The following NUBPL variants were observed in gnomAD, a reference collection of about 807,000 sequenced individuals.
NUBPL encodes NUBP iron-sulfur cluster assembly factor, mitochondrial.
In NUBPL, 31 loss-of-function variants were observed where a neutral mutation model predicts 45.7. The ratio of observed to expected loss-of-function variants is 0.68; its 90% CI spans 0.51 to 0.92. NUBPL has a LOEUF of 0.92. Ranked by LOEUF, NUBPL falls within the 40% of genes least tolerant of loss-of-function variation. NUBPL has a pLI of 0.00. For synonymous variants in NUBPL, 144 were observed against 140.9 expected (o/e 1.02, Z -0.15); for missense variants, 401 against 398.7 (o/e 1.01, Z -0.05).
At chr14:31,799,239 A>AC in intron 7 of NUBPL, among the ~76,000 whole-genome samples, 1 of 151,924 alleles carries the variant, frequency 6.6e-6, no homozygotes, top group Admixed American at 6.6e-5. Context: ...CCACACACAC[A>AC]AAAAAATCCT....
chr14:31,836,030 AC>A (rs752317486), intron 8 of NUBPL, among the ~76,000 whole-genome samples: 1 of 152,164 alleles, frequency 6.6e-6, no homozygotes, highest in Non-Finnish European at 1.5e-5. Context: ...CTTGTTACTT[AC>A]CTGTATCTGG....
intron 8 of NUBPL, among the ~76,000 whole-genome samples, chr14:31,834,830 G>A (rs1292463264): frequency 1.3e-5 from 2 of 152,182 alleles, no homozygotes; most frequent in Non-Finnish European, 2.9e-5. Context: ...TGTTTAGTGG[G>A]ACATCTGGGC....
intron 6 of NUBPL, among the ~76,000 whole-genome samples, chr14:31,778,925 A>C (rs1322198324): frequency 1.3e-5 from 2 of 152,210 alleles, no homozygotes; most frequent in Non-Finnish European, 2.9e-5. Flanking sequence ...TTTGGCTAAA[A>C]GACATGACCT....
intron 4 of NUBPL, among the ~76,000 whole-genome samples, chr14:31,662,793 A>G (rs2036306530): frequency 6.6e-6 from 1 of 152,252 alleles, no homozygotes; most frequent in Admixed American, 6.5e-5. Flanking sequence ...TCTTTATAGT[A>G]GAATGATTTA....
At chr14:31,705,723 A>C (rs1343604739) in intron 6 of NUBPL, among the ~76,000 whole-genome samples, 3 of 152,116 alleles carry the variant, frequency 2.0e-5, no homozygotes, top group Non-Finnish European at 4.4e-5. Flanking sequence ...ACCTTTAGCT[A>C]GACAGAAAAA....
At chr14:31,645,612 T>C (rs979414893) in intron 4 of NUBPL, among the ~76,000 whole-genome samples, 1 of 152,178 alleles carries the variant, frequency 6.6e-6, no homozygotes, top group African/African-American at 2.4e-5. Flanking sequence ...AATTTGTTGC[T>C]TTTTAATATT....
intron 6 of NUBPL, among the ~76,000 whole-genome samples, chr14:31,743,805 TTG>T (rs147577510): frequency 6.6e-6 from 1 of 150,940 alleles, no homozygotes; most frequent in Non-Finnish European, 1.5e-5. Context: ...AAAGGAGATA[TTG>T]TGTGTGTGTG....
chr14:31,676,727 T>G (rs1043227676), intron 6 of NUBPL, among the ~76,000 whole-genome samples: 4 of 151,922 alleles, frequency 2.6e-5, no homozygotes, highest in African/African-American at 9.6e-5. Flanking sequence ...TTGTGACGTG[T>G]CTGTTCAAGT....
At chr14:31,636,338 A>G (rs1023523451) in intron 4 of NUBPL, among the ~76,000 whole-genome samples, 3 of 151,982 alleles carry the variant, frequency 2.0e-5, no homozygotes, top group African/African-American at 2.4e-5. Context: ...TTCTGCATCT[A>G]TTGAGATAAT....
At chr14:31,567,841 C>T (rs190732573) in intron 3 of NUBPL, among the ~76,000 whole-genome samples, 59 of 152,330 alleles carry the variant, frequency 3.9e-4, no homozygotes, top group Admixed American at 3.7e-3. Flanking sequence ...CTTACTGAAT[C>T]AGAAACCCTG....
chr14:31,685,894 C>T (rs2036941698), intron 6 of NUBPL, among the ~76,000 whole-genome samples: 2 of 152,290 alleles, frequency 1.3e-5, no homozygotes, highest in Non-Finnish European at 2.9e-5. Context: ...ATTCCACTCT[C>T]CCACTTGAAG....
rs139185263 is a variant in NUBPL, at chr14:31,640,060, G to C, written c.383-33295G>C. 4.9e-3 allele frequency among the ~76,000 whole-genome samples: 741 copies of C among 152,246 alleles called. 3 individuals are homozygous for C. The highest frequency in any genetic ancestry group is 8.4e-3 in the Non-Finnish European group (573 of 68,016). The stretch of plus-strand genomic sequence containing the variant: ...CCTGAGCGAGGCAGTGCCTCGCCCT[G>C]CTTCGGCTCCGGCACGGTGCACTGC... On this transcript the variant is annotated intron_variant, in intron 4 of 10. Transcript: ENST00000281081.
chr14:31,822,766 G>A (rs754302936), intron 7 of NUBPL, among the ~76,000 whole-genome samples: 17 of 152,130 alleles, frequency 1.1e-4, no homozygotes, highest in Non-Finnish European at 1.9e-4. Flanking sequence ...TACATGCTTC[G>A]TGAGCATTTG....
intron 7 of NUBPL, among the ~76,000 whole-genome samples, chr14:31,790,759 G>T (rs1446626387): frequency 6.6e-6 from 1 of 152,134 alleles, no homozygotes; most frequent in Admixed American, 6.5e-5. Flanking sequence ...GCTGAGACAG[G>T]AGAATGGCAT....
chr14:31,608,132 A>T (rs574655157), intron 4 of NUBPL, among the ~76,000 whole-genome samples: 2 of 152,252 alleles, frequency 1.3e-5, no homozygotes, highest in South Asian at 4.1e-4. Flanking sequence ...CTAAAATAGT[A>T]TATCTGGTGA....
intron 6 of NUBPL, among the ~76,000 whole-genome samples, chr14:31,705,698 T>C (rs1016732403): frequency 1.1e-4 from 16 of 152,010 alleles, no homozygotes; most frequent in African/African-American, 3.1e-4. Context: ...AGAGTGCTGA[T>C]TGGTGCATTT....
At chr14:31,621,291 G>GT (rs2035054850) in intron 4 of NUBPL, among the ~76,000 whole-genome samples, 1 of 151,866 alleles carries the variant, frequency 6.6e-6, no homozygotes, top group Non-Finnish European at 1.5e-5. Flanking sequence ...GGAGTGAACG[G>GT]TTTTTTTTCT....
At chr14:31,812,826 A>G (rs1166842434) in intron 7 of NUBPL, among the ~76,000 whole-genome samples, 1 of 152,104 alleles carries the variant, frequency 6.6e-6, no homozygotes, top group Non-Finnish European at 1.5e-5. Flanking sequence ...GAGGAGAGAG[A>G]AGGAGAATGA....
At chr14:31,586,635 ACT>A (rs1195972195) in intron 3 of NUBPL, among the ~76,000 whole-genome samples, 1 of 152,038 alleles carries the variant, frequency 6.6e-6, no homozygotes, top group Non-Finnish European at 1.5e-5. Context: ...AGGGAAGAAA[ACT>A]CTCACTAGAC....
Sources: gnomAD v4.1 joint callset for allele counts (sites outside exome capture counted in the v4.1 genomes callset) on GRCh38, gnomAD v4.1.1 for gene constraint, MANE v1.5 for transcripts, NCBI Gene and HGNC (gene_info 2026-07-23, HGNC 2026-07-21) for gene names.